The following SLC6A12 variants were observed in gnomAD, a reference collection of about 807,000 sequenced individuals.
SLC6A12 encodes the protein sodium- and chloride-dependent betaine transporter.
Under a neutral mutation model 73.3 loss-of-function variants are expected in SLC6A12, and 50 were observed. The ratio of observed to expected loss-of-function variants is 0.68; its 90% CI spans 0.54 to 0.86. The LOEUF is 0.86. Ranked by LOEUF, SLC6A12 falls within the 40% of genes least tolerant of loss-of-function variation. The probability of loss-of-function intolerance (pLI) is 0.00; values close to 1 mark genes in which losing one functional copy is unlikely to be tolerated. For missense variants in SLC6A12, 648 were observed against 772.8 expected (o/e 0.84, Z 1.92); for synonymous variants, 304 against 309.2 (o/e 0.98, Z 0.18).
intron 14 of SLC6A12, 30 bp downstream of exon 14, chr12:193,247 G>A (rs1939696891): frequency 6.7e-7 from 1 of 1,489,690 alleles, no homozygotes. Flanking sequence ...GGGGCAGGAA[G>A]GAATAGAGGG....
chr12:189,644 C>T (rs1457716567), downstream of SLC6A12, among the ~76,000 whole-genome samples: 1 of 152,156 alleles, frequency 6.6e-6, no homozygotes, highest in Non-Finnish European at 1.5e-5. Flanking sequence ...AAATTCCCTC[C>T]CCAGCCCCAG....
At chr12:187,436 G>A (rs1591772314), downstream of SLC6A12, among the ~76,000 whole-genome samples, 1 of 151,788 alleles carries the variant, frequency 6.6e-6, no homozygotes, top group African/African-American at 2.4e-5. Context: ...CAACTCTGAA[G>A]GCGGCGCGTC....
At chr12:199,055 C>T in intron 7 of SLC6A12, 124 bp from the exon 8 acceptor site, 1 of 792,786 alleles carries the variant, frequency 1.3e-6, no homozygotes, top group Non-Finnish European at 1.9e-6. Flanking sequence ...CCTAGAGGGG[C>T]TAAGCACAAG....
At chr12:201,171 T>C (rs901514329) in intron 6 of SLC6A12, 4 of 204,712 alleles carry the variant, frequency 2.0e-5, no homozygotes, top group Non-Finnish European at 3.9e-5. Context: ...ACTGCATGCA[T>C]GGGTGTGAGG....
At chr12:200,374 C>G (rs1940186422) in intron 7 of SLC6A12, among the ~76,000 whole-genome samples, 1 of 152,158 alleles carries the variant, frequency 6.6e-6, no homozygotes, top group South Asian at 2.1e-4. Context: ...TCCCAAAGTG[C>G]TGGGATTACA....
In SLC6A12 at chr12:213,330, T is replaced by G. The variant is rs2137228128; in HGVS notation, c.-143+592A>C. ...CAAAACCTGGCTCTCTCTGTAGTCC[T>G]TCACACCCCGTGAGTGCCGGTCTCA... On this transcript the variant is annotated intron_variant, in intron 1 of 15. Transcript: ENST00000684302. The surrounding 1 kb of genome is among the most constrained non-coding windows in gnomAD (Gnocchi z 5.3). 1 of 152,540 alleles carries G rather than the reference T, an allele frequency of 6.6e-6. No homozygotes were observed. The highest frequency in any genetic ancestry group is 1.9e-4 in the East Asian group (1 of 5,206). 9.4% of individuals were successfully genotyped at this position (152,540 alleles called of 1,614,324 possible). A position where few individuals can be genotyped will look rare whatever the true frequency, so the allele number is the denominator to read the frequency against.
At chr12:185,206 G>A (rs957790564), downstream of SLC6A12, among the ~76,000 whole-genome samples, 4 of 152,234 alleles carry the variant, frequency 2.6e-5, no homozygotes, top group African/African-American at 9.6e-5. Flanking sequence ...CCAGGTCTCC[G>A]GACAGCTGGC....
intron 3 of SLC6A12, 36 bp from the exon 4 acceptor site, chr12:204,734 C>T: frequency 5.0e-6 from 8 of 1,610,918 alleles, no homozygotes; most frequent in South Asian, 1.1e-5. Context: ...GAGCCACACC[C>T]GGGCTCTTCC....
At position 198,645 on chromosome 12, in the gene SLC6A12, T is replaced by C. The variant is rs938023224; in HGVS notation, c.846+152A>G. 3 of 699,578 alleles carry C rather than the reference T, an allele frequency of 4.3e-6. No homozygotes were observed. The highest frequency in any genetic ancestry group is 5.8e-5 in the Admixed American group (2 of 34,472). 43.3% of individuals were successfully genotyped at this position (699,578 alleles called of 1,614,324 possible). On this transcript the variant is annotated intron_variant, in intron 8 of 15. Coordinates refer to ENST00000684302, the MANE Select transcript of SLC6A12 (RefSeq NM_001122848.3). The surrounding 1 kb of genome is among the most constrained non-coding windows in gnomAD (Gnocchi z 4.0). Reference sequence around the variant, plus strand: ...AATTACAAGAGATTTTTTTAGTTTCTTTTTTATAGCTTTCTTCCATATTTT... The same window carrying C: ...AATTACAAGAGATTTTTTTAGTTTCCTTTTTATAGCTTTCTTCCATATTTT...
rs763614034 is a variant in SLC6A12, at chr12:202,763, G to C, written c.467C>G (p.Thr156Ser). 1.2e-6 allele frequency: 2 copies of C among 1,613,428 alleles called. No homozygotes were observed. The highest frequency in any genetic ancestry group is 4.5e-5 in the East Asian group (2 of 44,850). Residue 156 changes from threonine to serine, a missense_variant, in exon 5 of 16, where the codon ACC becomes AGC. Thr to Ser is a moderately conservative substitution (Grantham distance 58). Transcript: ENST00000684302. The part of the protein sequence containing the change: ...SSFTSELPWT[T>S]CNNFWNTEHC... ...ACCTGTGTTCCAAAAGTTGTTGCAG[G>C]TCGTCCAGGGCAGCTCAGAAGTGAA... is the stretch of plus-strand genomic sequence containing the variant.
At chr12:187,684 A>G (rs1018215651), downstream of SLC6A12, among the ~76,000 whole-genome samples, 9 of 142,662 alleles carry the variant, frequency 6.3e-5, no homozygotes, top group African/African-American at 1.8e-4. Flanking sequence ...GCGGGTTACC[A>G]CTAGGGCCTC....
chr12:186,763 A>T (rs1166443609), downstream of SLC6A12, among the ~76,000 whole-genome samples: 1 of 152,242 alleles, frequency 6.6e-6, no homozygotes, highest in African/African-American at 2.4e-5. Flanking sequence ...CTCTGAAATT[A>T]GAGGTATCCA....
downstream of SLC6A12, among the ~76,000 whole-genome samples, chr12:186,106 GGC>G (rs1305277995): frequency 3.4e-5 from 5 of 145,536 alleles, no homozygotes; most frequent in African/African-American, 1.4e-4. Context: ...GTGAGGCTGT[GGC>G]AGAGAGGCAG....
intron 4 of SLC6A12, chr12:203,182 T>G (rs1940389614): frequency 1.0e-5 from 2 of 192,056 alleles, no homozygotes; most frequent in East Asian, 2.5e-4. Flanking sequence ...TCCTCCCACC[T>G]CAGCCTCCGG....
intron 2 of SLC6A12, 25 bp from the exon 3 acceptor site, chr12:210,068 T>C: frequency 6.5e-7 from 1 of 1,546,872 alleles, no homozygotes; most frequent in African/African-American, 1.4e-5. Context: ...AGAAATTAGC[T>C]GTAAAACCCG....
At chr12:196,295 G>A (rs1238933510) in intron 11 of SLC6A12, 34 bp from the exon 12 acceptor site, 1 of 1,595,096 alleles carries the variant, frequency 6.3e-7, no homozygotes, top group South Asian at 1.1e-5. Flanking sequence ...ATGAGAGGGT[G>A]TGGGGCGGGC....
downstream of SLC6A12, among the ~76,000 whole-genome samples, chr12:186,664 A>G (rs1263245455): frequency 1.3e-5 from 2 of 152,196 alleles, no homozygotes; most frequent in Non-Finnish European, 2.9e-5. Context: ...GGGCCTCTCT[A>G]TTGGGCCAAC....
chr12:200,355 G>A lies in SLC6A12; in HGVS notation c.711+296C>T, dbSNP rs576180535. ...GATCTCCTGACCTCGTGATCCGCCA[G>A]CCTCGGCCTCCCAAAGTGCTGGGAT... On this transcript the variant is annotated intron_variant, in intron 7 of 15. Transcript: ENST00000684302. Among the ~76,000 whole-genome samples the A allele has an allele frequency of 2.0e-3, 304 of 152,126 alleles. 1 individual carries two copies. The highest frequency in any genetic ancestry group is 6.0e-3 in the African/African-American group (249 of 41,490).
At chr12:201,008 C>T (rs1271322386) in intron 6 of SLC6A12, among the ~76,000 whole-genome samples, 3 of 151,946 alleles carry the variant, frequency 2.0e-5, no homozygotes, top group South Asian at 2.1e-4. Context: ...TTTTTTTTCT[C>T]GTACAGAAAG....
Sources: gnomAD v4.1 joint callset for allele counts (sites outside exome capture counted in the v4.1 genomes callset) on GRCh38, gnomAD v4.1.1 for gene constraint, Gnocchi (gnomAD v3.1) non-coding constraint, MANE v1.5 for transcripts, NCBI Gene and HGNC (gene_info 2026-07-23, HGNC 2026-07-21) for gene names.